Variants in PPM1A observed in about 807,000 individuals in gnomAD.
PPM1A encodes protein phosphatase, Mg2+/Mn2+ dependent 1A, also known as protein phosphatase 1A.
In PPM1A, 7 loss-of-function variants were observed where a neutral mutation model predicts 35.0. The ratio of observed to expected loss-of-function variants is 0.20; its 90% CI spans 0.11 to 0.38. The LOEUF (loss-of-function observed/expected upper bound fraction) is 0.38, where lower values mean the gene tolerates loss of function less well. Among genes scored for constraint, PPM1A ranks in the 10% least tolerant of loss-of-function variants. PPM1A has a pLI of 1.00. For synonymous variants in PPM1A, 153 were observed against 167.3 expected (o/e 0.91, Z 0.66); for missense variants, 239 against 467.8 (o/e 0.51, Z 4.51).
rs1000825580 is a variant in PPM1A, at chr14:60,287,260, T to A, written c.952+1519T>A. On this transcript the variant is annotated intron_variant, in intron 3 of 5. Coordinates refer to ENST00000395076, the MANE Select transcript of PPM1A (RefSeq NM_021003.5). ...GTTATTTTGTTACAATAATAAGTTT[T>A]ATATTTCTTATTATCAAGCAAGAGT... 11 of 967,980 alleles carry A rather than the reference T, an allele frequency of 1.1e-5. No individual in the cohort carries two copies. The East Asian group carries it at 1.3e-3, about 111-fold the overall frequency. The allele number at this position is 967,980 out of a possible 1,614,324, so 60.0% of individuals were successfully genotyped here.
chr14:60,266,604 G>A lies in PPM1A; in HGVS notation c.-20-16080G>A, dbSNP rs1486563455. The stretch of plus-strand genomic sequence containing the variant: ...AGGAGTGGAAAAGATCAGCTTTCAG[G>A]CACCCATTATTGAATCTCTCTGTTC... On this transcript the variant is annotated intron_variant, in intron 1 of 5. Transcript: ENST00000395076. Among the ~76,000 whole-genome samples, 3 of 152,076 alleles carry A rather than the reference G, an allele frequency of 2.0e-5. No homozygotes were observed. The East Asian group carries it at 5.8e-4, about 29-fold the overall frequency.
chr14:60,246,511 A>G (rs1881792912), upstream of PPM1A, among the ~76,000 whole-genome samples: 1 of 152,190 alleles, frequency 6.6e-6, no homozygotes, highest in Non-Finnish European at 1.5e-5. Flanking sequence ...AAATTACTAA[A>G]ATGTCATCAT....
rs552133210 is a variant in PPM1A at position 60,262,981 on chromosome 14, C to G, written c.-21+13304C>G. Among the ~76,000 whole-genome samples, 181 of 152,248 alleles carry G rather than the reference C, an allele frequency of 1.2e-3. 1 individual carries two copies. The highest frequency in any genetic ancestry group is 2.1e-3 in the Non-Finnish European group (146 of 68,010). On this transcript the variant is annotated intron_variant, in intron 1 of 5. Coordinates refer to ENST00000395076, the MANE Select transcript of PPM1A (RefSeq NM_021003.5). Reference sequence around the variant, plus strand: ...GTGGCTCACGCCTGTAATCCTAGCACTTTGGGAGGCTTAGGTGGGCAGATC... The same window carrying G: ...GTGGCTCACGCCTGTAATCCTAGCAGTTTGGGAGGCTTAGGTGGGCAGATC...
At chr14:60,264,809 T>A (rs1049438370) in intron 1 of PPM1A, among the ~76,000 whole-genome samples, 1 of 152,246 alleles carries the variant, frequency 6.6e-6, no homozygotes, top group African/African-American at 2.4e-5. Context: ...GAATTTTTTT[T>A]AAATATTCAG....
At position 60,268,347 on chromosome 14, in the gene PPM1A, A is replaced by T. The variant is rs1187460649; in HGVS notation, c.-20-14337A>T. 6 of 978,666 alleles carry T rather than the reference A, an allele frequency of 6.1e-6. No homozygotes were observed. The African/African-American group carries it at 1.1e-4, about 17-fold the overall frequency. 60.6% of individuals were successfully genotyped at this position (978,666 alleles called of 1,614,324 possible). A position where few individuals can be genotyped will look rare whatever the true frequency, so the allele number is the denominator to read the frequency against. On this transcript the variant is annotated intron_variant, in intron 1 of 5. Transcript: ENST00000395076. ...AAAAAAAAAAAATTTGTTTTCCGAG[A>T]ACTGTTACTTTCCTCCATATTTTCA...
intron 5 of PPM1A, 93 bp downstream of exon 5, chr14:60,291,547 C>G (rs1189488155): frequency 9.7e-7 from 1 of 1,027,472 alleles, no homozygotes; most frequent in African/African-American, 1.6e-5. Context: ...TTCACTGTAC[C>G]CATTCTCTTA....
upstream of PPM1A, chr14:60,246,036 A>G (rs1307944438): frequency 3.8e-6 from 6 of 1,578,618 alleles, no homozygotes; most frequent in Non-Finnish European, 4.3e-6. Context: ...AGAGAAAAAA[A>G]TATGAAACAG....
chr14:60,263,791 TG>T (rs1357007069), intron 1 of PPM1A, among the ~76,000 whole-genome samples: 2 of 152,170 alleles, frequency 1.3e-5, no homozygotes, highest in Admixed American at 1.3e-4. Flanking sequence ...TGTCCATAGA[TG>T]TACTATCTTA....
chr14:60,263,301 T>C (rs1883984130), intron 1 of PPM1A, among the ~76,000 whole-genome samples: 2 of 152,222 alleles, frequency 1.3e-5, no homozygotes, highest in African/African-American at 4.8e-5. Context: ...CGATTTATGT[T>C]ACTGTTGATG....
chr14:60,262,501 C>T lies in PPM1A; in HGVS notation c.-21+12824C>T, dbSNP rs1211654293. Among the ~76,000 whole-genome samples the T allele has an allele frequency of 2.0e-5, 3 of 152,218 alleles. No homozygotes were observed. In the East Asian group the frequency reaches 5.8e-4, roughly 29 times the overall value. On this transcript the variant is annotated intron_variant, in intron 1 of 5. Transcript: ENST00000395076. ...GAGTTTGAGACCAGCCAGGGCAACA[C>T]AGTGATACCTTGTCTCTACAAAAAA...
rs10150441 is a variant in PPM1A at position 60,271,158 on chromosome 14, G to A, written c.-20-11526G>A. On this transcript the variant is annotated intron_variant, in intron 1 of 5. Transcript: ENST00000395076. ...CACTTGCCTGGTAGCCACATCACTC[G>A]AATCTTTAAGACCAGCGTCTTCAAA... 5.3e-5 allele frequency among the ~76,000 whole-genome samples: 8 copies of A among 151,886 alleles called. No individual in the cohort carries two copies. The East Asian group carries it at 1.4e-3, about 26-fold the overall frequency.
chr14:60,289,679 G>A lies in PPM1A; in HGVS notation c.953-127G>A. ...AACCTGATTTTTTTTTTTTTTAAATGATACCAGATTAGAAAAATCTCAGAT... is the reference window on the plus strand; with the variant it reads ...AACCTGATTTTTTTTTTTTTTAAATAATACCAGATTAGAAAAATCTCAGAT... On this transcript the variant is annotated intron_variant, in intron 3 of 5. Transcript: ENST00000395076. This position sits in a 1 kb window ranked among gnomAD's most constrained non-coding sequence, Gnocchi z 4.1. 1 of 496,188 alleles carries A rather than the reference G, an allele frequency of 2.0e-6. No homozygotes were observed. Among genetic ancestry groups the A allele is most frequent in the Non-Finnish European group, 3.6e-6 (1 of 280,548 alleles). The allele number at this position is 496,188 out of a possible 1,614,324, so 30.7% of individuals were successfully genotyped here. A position where few individuals can be genotyped will look rare whatever the true frequency, so the allele number is the denominator to read the frequency against.
chr14:60,260,494 A>G (rs1461281886), intron 1 of PPM1A, among the ~76,000 whole-genome samples: 1 of 152,168 alleles, frequency 6.6e-6, no homozygotes. Flanking sequence ...ATACTGATAC[A>G]GAAAACCATA....
chr14:60,266,943 T>C (rs934128874), intron 1 of PPM1A, among the ~76,000 whole-genome samples: 14 of 152,194 alleles, frequency 9.2e-5, no homozygotes, highest in African/African-American at 3.1e-4. Context: ...TCTGAAGCCC[T>C]CTTCTTAAAA....
intron 1 of PPM1A, chr14:60,268,502 C>G (rs1566582827): frequency 1.6e-6 from 1 of 640,518 alleles, no homozygotes; most frequent in Non-Finnish European, 1.9e-6. Context: ...AGTGGCTTAC[C>G]TATTTTATTT....
At position 60,282,437 on chromosome 14, in the gene PPM1A, C is replaced by T. The variant is rs1489230084; in HGVS notation, c.-20-247C>T. Reference sequence around the variant, plus strand: ...TGGCCACTGCCAGGTCTCCTTTCTGCCTTCTCCCCTTTATCCCAATGCTTT... The same window carrying T: ...TGGCCACTGCCAGGTCTCCTTTCTGTCTTCTCCCCTTTATCCCAATGCTTT... On this transcript the variant is annotated intron_variant, in intron 1 of 5. Transcript: ENST00000395076. This position sits in a 1 kb window ranked among gnomAD's most constrained non-coding sequence, Gnocchi z 5.1. Among the ~76,000 whole-genome samples the T allele has an allele frequency of 2.6e-5, 4 of 152,182 alleles. No individual in the cohort carries two copies. The highest frequency in any genetic ancestry group is 5.9e-5 in the Non-Finnish European group (4 of 68,030).
Position 60,289,907 on chromosome 14 carries a change from G to T in PPM1A, c.1054G>T (p.Ala352Ser). 1.3e-6 allele frequency: 2 copies of T among 1,580,302 alleles called. No individual in the cohort carries two copies. The highest frequency in any genetic ancestry group is 1.7e-6 in the Non-Finnish European group (2 of 1,168,126). ...CAGCCTCCCACCAGGGGGTGAATTG[G>T]CAAGCAAGTAAGTTACATTCTGTAC... ...IPSLPPGGEL[A>S]SKRNVIEAVY... The change falls in exon 4 of 6, where the codon GCA becomes TCA. Residue 352 changes from alanine to serine, a missense_variant. Physicochemically the swap from Ala to Ser is moderately conservative, Grantham distance 99. This residue lies in a region of PPM1A where 64 missense variants were observed against 78.6 expected (regional missense o/e 0.81). Coordinates refer to ENST00000395076, the MANE Select transcript of PPM1A (RefSeq NM_021003.5). This position sits in a 1 kb window ranked among gnomAD's most constrained non-coding sequence, Gnocchi z 4.1.
chr14:60,285,138 G>A (rs1026322258), intron 2 of PPM1A, among the ~76,000 whole-genome samples: 16 of 152,014 alleles, frequency 1.1e-4, no homozygotes, highest in Admixed American at 7.2e-4. Context: ...CTTATGAAGC[G>A]AATGTATTAG....
chr14:60,289,501 A>G lies in PPM1A; in HGVS notation c.953-305A>G, dbSNP rs1041934488. On this transcript the variant is annotated intron_variant, in intron 3 of 5. Coordinates refer to ENST00000395076, the MANE Select transcript of PPM1A (RefSeq NM_021003.5). The surrounding 1 kb of genome is among the most constrained non-coding windows in gnomAD (Gnocchi z 4.1). The stretch of plus-strand genomic sequence containing the variant: ...GTGATGTAAGAAGAAACTAGTTGAC[A>G]TCTTAAGAAAGGGTATTCTCACTTG... 3.9e-5 allele frequency among the ~76,000 whole-genome samples: 6 copies of G among 152,178 alleles called. No homozygotes were observed. The highest frequency in any genetic ancestry group is 7.4e-5 in the Non-Finnish European group (5 of 68,012).
Sources: allele counts gnomAD v4.1 joint callset (sites outside exome capture counted in the v4.1 genomes callset), GRCh38; gene constraint gnomAD v4.1.1; regional missense constraint gnomAD v4.1.1; non-coding constraint Gnocchi (gnomAD v3.1); transcripts MANE v1.5; gene names NCBI Gene and HGNC (gene_info 2026-07-23, HGNC 2026-07-21).